SLCO4C1: variants seen among roughly 807,000 people sequenced by gnomAD.
SLCO4C1 encodes organic anion transporter M1.
A neutral mutation model predicts 72.1 loss-of-function variants in SLCO4C1; 58 were observed. The ratio of observed to expected loss-of-function variants is 0.80; its 90% CI spans 0.65 to 1.00. SLCO4C1 has a LOEUF of 1.00. SLCO4C1 is among the 50% of genes least tolerant of loss of function. SLCO4C1 has a pLI of 0.00. For synonymous variants in SLCO4C1, 297 were observed against 312.5 expected (o/e 0.95, Z 0.52); for missense variants, 898 against 857.9 (o/e 1.05, Z -0.58).
At chr5:102,279,315 G>T (rs1253030050) in intron 2 of SLCO4C1, among the ~76,000 whole-genome samples, 1 of 152,000 alleles carries the variant, frequency 6.6e-6, no homozygotes, top group Non-Finnish European at 1.5e-5. Flanking sequence ...TGGTGCAGAA[G>T]TAACTGCAGT....
Position 102,234,146 on chromosome 5 carries a change from AT to A in SLCO4C1, c.*2711del, listed in dbSNP as rs1320881726. ...AGTTCTTTCCATGTGTAAGTTTTACATTTGTATTTTCTACAATTAAGTAAAT... is the reference window on the plus strand; with the variant it reads ...AGTTCTTTCCATGTGTAAGTTTTACATTGTATTTTCTACAATTAAGTAAAT... On this transcript the variant is annotated 3_prime_UTR_variant, in exon 13 of 13. Coordinates refer to ENST00000310954, the MANE Select transcript of SLCO4C1 (RefSeq NM_180991.5). The A allele has an allele frequency of 2.1e-4, 32 of 152,632 alleles. No homozygotes were observed. The highest frequency in any genetic ancestry group is 1.9e-4 in the Non-Finnish European group (13 of 67,996). The allele number at this position is 152,632 out of a possible 1,614,324, so 9.5% of individuals were successfully genotyped here.
intron 2 of SLCO4C1, 128 bp downstream of exon 2, chr5:102,291,215 A>T (rs1175843700): frequency 4.0e-5 from 38 of 950,424 alleles, no homozygotes; most frequent in Non-Finnish European, 6.0e-5. Context: ...ACAATGAACA[A>T]ACCAGTGAGG....
chr5:102,280,111 A>C (rs1749326512), intron 2 of SLCO4C1, among the ~76,000 whole-genome samples: 1 of 149,064 alleles, frequency 6.7e-6, no homozygotes, highest in African/African-American at 2.5e-5. Context: ...AAAAAAAAAA[A>C]AAAAAGAGAA....
intron 3 of SLCO4C1, among the ~76,000 whole-genome samples, chr5:102,270,265 C>T (rs1749124676): frequency 6.6e-6 from 1 of 151,976 alleles, no homozygotes; most frequent in Non-Finnish European, 1.5e-5. Context: ...TCATAAATCA[C>T]ACAGAATGGC....
chr5:102,282,204 A>T (rs999908828), intron 2 of SLCO4C1, among the ~76,000 whole-genome samples: 1 of 152,086 alleles, frequency 6.6e-6, no homozygotes, highest in Non-Finnish European at 1.5e-5. Flanking sequence ...TTAAACATAG[A>T]AATGTTCATC....
intron 2 of SLCO4C1, among the ~76,000 whole-genome samples, chr5:102,271,460 G>T (rs542755107): frequency 0.02 from 3,036 of 151,632 alleles, 101 homozygotes; most frequent in African/African-American, 0.07. Flanking sequence ...TACAAAGAGT[G>T]AAACTGCTAG....
At chr5:102,293,120 T>G (rs948236294) in intron 1 of SLCO4C1, among the ~76,000 whole-genome samples, 2 of 152,072 alleles carry the variant, frequency 1.3e-5, no homozygotes, top group African/African-American at 4.8e-5. Context: ...TCATGACATA[T>G]TTTTTACTTT....
At chr5:102,257,679 C>T (rs542694418) in intron 7 of SLCO4C1, among the ~76,000 whole-genome samples, 19 of 150,230 alleles carry the variant, frequency 1.3e-4, no homozygotes, top group South Asian at 6.3e-4. Context: ...AGTACAATGG[C>T]GCAATCTCGG....
intron 9 of SLCO4C1, 86 bp from the exon 10 acceptor site, chr5:102,247,528 C>T (rs909115658): frequency 9.5e-6 from 8 of 841,062 alleles, no homozygotes; most frequent in Non-Finnish European, 1.4e-5. Context: ...ACATGGCAAA[C>T]ACTCTCATAC....
chr5:102,266,972 T>A (rs1354950206), intron 3 of SLCO4C1, among the ~76,000 whole-genome samples: 1 of 152,222 alleles, frequency 6.6e-6, no homozygotes, highest in Non-Finnish European at 1.5e-5. Flanking sequence ...ATCACTGAGA[T>A]CAATTCCACT....
At chr5:102,239,489 T>C (rs1361469261) in intron 11 of SLCO4C1, 101 bp from the exon 12 acceptor site, 1 of 832,798 alleles carries the variant, frequency 1.2e-6, no homozygotes, top group Non-Finnish European at 1.6e-6. Context: ...GAAATAAAAA[T>C]AAGTATTCAT....
At chr5:102,264,231 T>C (rs534566649) in intron 3 of SLCO4C1, among the ~76,000 whole-genome samples, 1 of 152,266 alleles carries the variant, frequency 6.6e-6, no homozygotes, top group East Asian at 1.9e-4. Flanking sequence ...CTGATCAGTC[T>C]ATTTCTTAAA....
chr5:102,265,707 C>T (rs967427713), intron 3 of SLCO4C1, among the ~76,000 whole-genome samples: 9 of 152,090 alleles, frequency 5.9e-5, no homozygotes, highest in Non-Finnish European at 1.0e-4. Context: ...TTTTTGATTA[C>T]TAAAGCTTTG....
Position 102,296,282 on chromosome 5 carries a change from A to G in SLCO4C1, c.-20T>C, listed in dbSNP as rs6596447. 12,802 of 1,502,198 alleles carry G rather than the reference A, an allele frequency of 8.5e-3. 165 individuals are homozygous for G. Among genetic ancestry groups the G allele is most frequent in the African/African-American group, 0.041 (2,949 of 71,404 alleles). The allele number at this position is 1,502,198 out of a possible 1,614,324, so 93.1% of individuals were successfully genotyped here. A position where few individuals can be genotyped will look rare whatever the true frequency, so the allele number is the denominator to read the frequency against. The stretch of plus-strand genomic sequence containing the variant: ...CTTCATGTCTGGATGGGTTCTCCCG[A>G]CTCCGGTGCTTCAGAGCAGCAGAGC... On this transcript the variant is annotated 5_prime_UTR_variant, in exon 1 of 13. Coordinates refer to ENST00000310954, the MANE Select transcript of SLCO4C1 (RefSeq NM_180991.5).
chr5:102,275,181 C>G (rs1217502332), intron 2 of SLCO4C1, among the ~76,000 whole-genome samples: 2 of 151,704 alleles, frequency 1.3e-5, no homozygotes, highest in East Asian at 3.9e-4. Flanking sequence ...CAAATCCTGA[C>G]AGAAAAAAGT....
chr5:102,246,959 C>A (rs1388135284), intron 10 of SLCO4C1, among the ~76,000 whole-genome samples: 1 of 152,102 alleles, frequency 6.6e-6, no homozygotes, highest in Non-Finnish European at 1.5e-5. Context: ...CTATGATACT[C>A]AAAACTGAAC....
At chr5:102,265,769 C>G (rs867531230) in intron 3 of SLCO4C1, among the ~76,000 whole-genome samples, 9 of 152,028 alleles carry the variant, frequency 5.9e-5, no homozygotes, top group Middle Eastern at 3.4e-3. Context: ...GTTCTTTGTG[C>G]TCAGGATTGT....
intron 6 of SLCO4C1, 27 bp downstream of exon 6, chr5:102,260,186 G>GAT (rs757440788): frequency 1.1e-6 from 1 of 905,462 alleles, no homozygotes; most frequent in Non-Finnish European, 1.5e-6. Context: ...GAGACTGAGA[G>GAT]AGAGACAGAG....
At position 102,291,608 on chromosome 5, in the gene SLCO4C1, TA is replaced by T. The variant is rs1250143542; in HGVS notation, c.356-3del. The stretch of plus-strand genomic sequence containing the variant: ...TTACTAGGCCATTAACTACAATACC[TA>T]AAAAACAGAAAAGTTGATGTGCATC... On this transcript the variant is annotated splice_region_variant and splice_polypyrimidine_tract_variant and intron_variant, in intron 1 of 12. Coordinates refer to ENST00000310954, the MANE Select transcript of SLCO4C1 (RefSeq NM_180991.5). 48 of 1,595,672 alleles carry T rather than the reference TA, an allele frequency of 3.0e-5. No individual in the cohort carries two copies. Among genetic ancestry groups the T allele is most frequent in the Non-Finnish European group, 3.6e-5 (42 of 1,171,152 alleles).
Sources: gnomAD v4.1 joint callset for allele counts (sites outside exome capture counted in the v4.1 genomes callset) on GRCh38, gnomAD v4.1.1 for gene constraint, MANE v1.5 for transcripts, NCBI Gene and HGNC (gene_info 2026-07-23, HGNC 2026-07-21) for gene names.